Variants in OR5K4 observed in about 807,000 individuals in gnomAD.
OR5K4 encodes olfactory receptor 5K4.
A neutral mutation model predicts 11.8 loss-of-function variants in OR5K4; 16 were observed. The observed-to-expected ratio is 1.36, with a 90% CI of 0.92 to 2.06. The LOEUF is 2.06. Among genes scored for constraint, OR5K4 ranks in the 30% most tolerant of loss-of-function variants. The pLI is 0.00. For missense variants in OR5K4, 442 were observed against 386.9 expected (o/e 1.14, Z -1.19); for synonymous variants, 152 against 135.1 (o/e 1.12, Z -0.87).
In OR5K4 at chr3:98,353,897, T is replaced by C; in HGVS notation, c.44T>C (p.Ile15Thr). Residue 15 changes from isoleucine to threonine, a missense_variant, in exon 1 of 1, where the codon ATA becomes ACA. By Grantham distance (89) the Ile-to-Thr change is moderately conservative. Transcript: ENST00000354924. ...NHSLAAEFIL[I>T]GFTNYPELKT... Reference sequence around the variant, plus strand: ...TCCTTAGCAGCTGAATTCATCCTCATAGGATTTACAAATTATCCAGAGCTG... The same window carrying C: ...TCCTTAGCAGCTGAATTCATCCTCACAGGATTTACAAATTATCCAGAGCTG... 1.2e-6 allele frequency: 2 copies of C among 1,613,772 alleles called. No homozygotes were observed. The highest frequency in any genetic ancestry group is 1.7e-6 in the Non-Finnish European group (2 of 1,179,814).
At position 98,354,171 on chromosome 3, in the gene OR5K4, T is replaced by C; in HGVS notation, c.318T>C (p.Leu106=). 2 of 1,614,210 alleles carry C rather than the reference T, an allele frequency of 1.2e-6. No individual in the cohort carries two copies. Among genetic ancestry groups the C allele is most frequent in the Non-Finnish European group, 1.7e-6 (2 of 1,180,016 alleles). Residue 106 remains leucine, a synonymous_variant, in exon 1 of 1, where the codon CTT becomes CTC. Coordinates refer to ENST00000354924, the MANE Select transcript of OR5K4 (RefSeq NM_001005517.1). ...TGGCACAATTTTATTTTCTCTGTCT[T>C]GCTGAAACCACAGACTGCTTTCTTC... ...ECMAQFYFLC[L]AETTDCFLLA...
Position 98,354,775 on chromosome 3 carries a change from C to A in OR5K4, c.922C>A (p.Leu308Ile). Residue 308 changes from leucine to isoleucine, a missense_variant, in exon 1 of 1, where the codon CTT becomes ATT. By Grantham distance (5) the Leu-to-Ile change is conservative. Transcript: ENST00000354924. ...AAAAATTATGAGGAATTATAACATT[C>A]TTAAACAAACTTGCTCTATAGCAAA... ...LKKIMRNYNI[L>I]KQTCSIANLF... 7.1e-7 allele frequency: 1 copy of A among 1,417,836 alleles called. No individual in the cohort carries two copies. Among genetic ancestry groups the A allele is most frequent in the Non-Finnish European group, 9.7e-7 (1 of 1,034,162 alleles). The allele number at this position is 1,417,836 out of a possible 1,614,324, so 87.8% of individuals were successfully genotyped here.
chr3:98,353,933 T>C lies in OR5K4; in HGVS notation c.80T>C (p.Leu27Pro). 6.2e-7 allele frequency: 1 copy of C among 1,614,154 alleles called. No individual in the cohort carries two copies. Among genetic ancestry groups the C allele is most frequent in the Non-Finnish European group, 8.5e-7 (1 of 1,180,010 alleles). Residue 27 changes from leucine to proline, a missense_variant, in exon 1 of 1, where the codon CTG becomes CCG. Physicochemically the swap from Leu to Pro is moderately conservative, Grantham distance 98. Transcript: ENST00000354924. Reference protein sequence around the residue: ...FTNYPELKTLLFVVFSAIYLV... With the variant: ...FTNYPELKTLPFVVFSAIYLV... ...AATTATCCAGAGCTGAAGACGCTTC[T>C]GTTTGTGGTGTTCTCTGCCATCTAT...
chr3:98,354,249 CCA>C lies in OR5K4; in HGVS notation c.400_401del (p.Thr134HisfsTer38). On this transcript the variant is annotated frameshift_variant, in exon 1 of 1. Transcript: ENST00000354924. LOFTEE classifies it high-confidence loss of function. The part of the protein sequence containing the change: ...YVAICHPLQY[H>X]TMMSKTLCIR... The stretch of plus-strand genomic sequence containing the variant: ...TGGCCATATGCCACCCACTGCAGTA[CCA>C]CACCATGATGTCCAAGACGCTCTGC... 1.2e-6 allele frequency: 2 copies of C among 1,614,212 alleles called. No individual in the cohort carries two copies. The highest frequency in any genetic ancestry group is 1.7e-6 in the Non-Finnish European group (2 of 1,180,040).
In OR5K4 at chr3:98,354,209, C is replaced by G. The variant is rs146616455; in HGVS notation, c.356C>G (p.Ala119Gly). Residue 119 changes from alanine to glycine, a missense_variant, in exon 1 of 1, where the codon GCC (alanine) becomes GGC (glycine). Physicochemically the swap from Ala to Gly is moderately conservative, Grantham distance 60 (BLOSUM62 0). Transcript: ENST00000354924. ...GACTGCTTTCTTCTGGCGACAATGG[C>G]CTATGACCGCTATGTGGCCATATGC... Reference protein sequence around the residue: ...TTDCFLLATMAYDRYVAICHP... With the variant: ...TTDCFLLATMGYDRYVAICHP... The G allele has an allele frequency of 6.6e-5, 106 of 1,614,182 alleles. No individual in the cohort carries two copies. In the African/African-American group the frequency reaches 1.3e-3, roughly 20 times the overall value.
chr3:98,354,159 T>C lies in OR5K4; in HGVS notation c.306T>C (p.Tyr102=), dbSNP rs1370353137. The C allele has an allele frequency of 1.9e-6, 3 of 1,614,242 alleles. No individual in the cohort carries two copies. The Admixed American group carries it at 5.0e-5, about 27-fold the overall frequency. ...TGTATGAATGTATGGCACAATTTTA[T>C]TTTCTCTGTCTTGCTGAAACCACAG... ...ISLYECMAQF[Y]FLCLAETTDC... is the part of the protein sequence containing the mutation. The change falls in exon 1 of 1, where the codon TAT becomes TAC. Residue 102 remains tyrosine (Y), a synonymous_variant. Transcript: ENST00000354924.
rs371406644 is a variant in OR5K4, at chr3:98,354,263, C to T, written c.410C>T (p.Ser137Phe). ...CCACTGCAGTACCACACCATGATGT[C>T]CAAGACGCTCTGCATTCGGATGACC... ...CHPLQYHTMM[S>F]KTLCIRMTTG... The change falls in exon 1 of 1, where the codon TCC becomes TTC. Residue 137 changes from serine (S) to phenylalanine (F), a missense_variant. Ser to Phe is a radical substitution (Grantham distance 155). Transcript: ENST00000354924. The T allele has an allele frequency of 2.0e-5, 32 of 1,614,174 alleles. No homozygotes were observed. Among genetic ancestry groups the T allele is most frequent in the Non-Finnish European group, 2.6e-5 (31 of 1,180,036 alleles).
In OR5K4 at chr3:98,354,585, C is replaced by A; in HGVS notation, c.732C>A (p.His244Gln). ...RGKAFSTCAS[H>Q]FLSVSIFYIC... ...AAGCATTTTCTACCTGTGCATCCCA[C>A]TTTCTCTCTGTCTCAATATTTTACA... The change falls in exon 1 of 1, where the codon CAC becomes CAA. Residue 244 changes from histidine to glutamine, a missense_variant. Transcript: ENST00000354924. The A allele has an allele frequency of 6.2e-7, 1 of 1,613,918 alleles. No homozygotes were observed. The highest frequency in any genetic ancestry group is 8.5e-7 in the Non-Finnish European group (1 of 1,179,894).
rs1329176244 is a variant in OR5K4, at chr3:98,354,167, G to A, written c.314G>A (p.Cys105Tyr). Residue 105 changes from cysteine (C) to tyrosine (Y), a missense_variant, in exon 1 of 1, where the codon TGT (cysteine) becomes TAT (tyrosine). By Grantham distance (194) the Cys-to-Tyr change is radical. Coordinates refer to ENST00000354924, the MANE Select transcript of OR5K4 (RefSeq NM_001005517.1). The stretch of plus-strand genomic sequence containing the variant: ...TGTATGGCACAATTTTATTTTCTCT[G>A]TCTTGCTGAAACCACAGACTGCTTT... ...YECMAQFYFL[C>Y]LAETTDCFLL... The A allele has an allele frequency of 5.6e-6, 9 of 1,614,160 alleles. No individual in the cohort carries two copies. Among genetic ancestry groups the A allele is most frequent in the Non-Finnish European group, 7.6e-6 (9 of 1,180,022 alleles).
chr3:98,353,862 G>A lies in OR5K4; in HGVS notation c.9G>A (p.Arg3=). MA[R]ENHSLAAEFI... The stretch of plus-strand genomic sequence containing the variant: ...CAGAAGAGAAGCCAGGAATGGCTAG[G>A]GAAAATCACTCCTTAGCAGCTGAAT... The change falls in exon 1 of 1, where the codon AGG becomes AGA. Residue 3 remains arginine (R), a synonymous_variant. Coordinates refer to ENST00000354924, the MANE Select transcript of OR5K4 (RefSeq NM_001005517.1). 1.3e-6 allele frequency: 2 copies of A among 1,599,410 alleles called. No homozygotes were observed. The highest frequency in any genetic ancestry group is 1.1e-5 in the South Asian group (1 of 88,680).
In OR5K4 at chr3:98,354,126, T is replaced by G. The variant is rs1707029593; in HGVS notation, c.273T>G (p.Ile91Met). 1 of 1,614,074 alleles carries G rather than the reference T, an allele frequency of 6.2e-7. No homozygotes were observed. The highest frequency in any genetic ancestry group is 8.5e-7 in the Non-Finnish European group (1 of 1,180,032). ...AGAATTTCTTTTCTGAGGATAGAAT[T>G]ATTTCCCTGTATGAATGTATGGCAC... Reference protein sequence around the residue: ...MLENFFSEDRIISLYECMAQF... With the variant: ...MLENFFSEDRMISLYECMAQF... The change falls in exon 1 of 1, where the codon ATT (isoleucine) becomes ATG (methionine). Residue 91 changes from isoleucine (I) to methionine (M), a missense_variant. Transcript: ENST00000354924.
chr3:98,354,416 C>T lies in OR5K4; in HGVS notation c.563C>T (p.Ser188Phe), dbSNP rs1466506117. ...GATATTCTTCCACTGTATAGACTCTCCTGTACAGATCCTTCTATTAATGAA... is the reference window on the plus strand; with the variant it reads ...GATATTCTTCCACTGTATAGACTCTTCTGTACAGATCCTTCTATTAATGAA... ...FCDILPLYRL[S>F]CTDPSINELM... The change falls in exon 1 of 1, where the codon TCC (serine) becomes TTC (phenylalanine). Residue 188 changes from serine to phenylalanine, a missense_variant. Transcript: ENST00000354924. The T allele has an allele frequency of 6.2e-7, 1 of 1,608,326 alleles. No homozygotes were observed. Among genetic ancestry groups the T allele is most frequent in the Admixed American group, 1.7e-5 (1 of 60,010 alleles).
rs756311665 is a variant in OR5K4, at chr3:98,354,201, G to A, written c.348G>A (p.Ala116=). Residue 116 remains alanine, a synonymous_variant, in exon 1 of 1, where the codon GCG becomes GCA. Transcript: ENST00000354924. ...AAACCACAGACTGCTTTCTTCTGGC[G>A]ACAATGGCCTATGACCGCTATGTGG... ...LAETTDCFLL[A]TMAYDRYVAI... The A allele has an allele frequency of 5.0e-6, 8 of 1,614,092 alleles. No homozygotes were observed. In the South Asian group the frequency reaches 6.6e-5, roughly 13 times the overall value.
Position 98,354,127 on chromosome 3 carries a change from A to T in OR5K4, c.274A>T (p.Ile92Phe). Reference sequence around the variant, plus strand: ...GAATTTCTTTTCTGAGGATAGAATTATTTCCCTGTATGAATGTATGGCACA... The same window carrying T: ...GAATTTCTTTTCTGAGGATAGAATTTTTTCCCTGTATGAATGTATGGCACA... ...LENFFSEDRI[I>F]SLYECMAQFY... is the part of the protein sequence containing the mutation. The change falls in exon 1 of 1, where the codon ATT (isoleucine) becomes TTT (phenylalanine). Residue 92 changes from isoleucine to phenylalanine, a missense_variant. Coordinates refer to ENST00000354924, the MANE Select transcript of OR5K4 (RefSeq NM_001005517.1). The T allele has an allele frequency of 6.2e-7, 1 of 1,614,120 alleles. No homozygotes were observed. Among genetic ancestry groups the T allele is most frequent in the Non-Finnish European group, 8.5e-7 (1 of 1,180,004 alleles).
Position 98,354,495 on chromosome 3 carries a change from C to T in OR5K4, c.642C>T (p.Val214=). Residue 214 remains valine (V), a synonymous_variant, in exon 1 of 1, where the codon GTC becomes GTT. Transcript: ENST00000354924. The part of the protein sequence containing the change: ...IPIQIFTIAT[V]LISYLCILLT... ...TTCAAATCTTTACCATTGCTACTGTCTTGATCTCTTATCTCTGCATCCTTT... is the reference window on the plus strand; with the variant it reads ...TTCAAATCTTTACCATTGCTACTGTTTTGATCTCTTATCTCTGCATCCTTT... 1.2e-6 allele frequency: 2 copies of T among 1,612,148 alleles called. No individual in the cohort carries two copies. Among genetic ancestry groups the T allele is most frequent in the Admixed American group, 3.3e-5 (2 of 60,012 alleles).
rs1296442047 is a variant in OR5K4 at position 98,354,651 on chromosome 3, T to C, written c.798T>C (p.Asp266=). Residue 266 remains aspartate (D), a synonymous_variant, in exon 1 of 1, where the codon GAT becomes GAC. Coordinates refer to ENST00000354924, the MANE Select transcript of OR5K4 (RefSeq NM_001005517.1). ...LMYIGPSEEG[D]KDTPVAIFYA... The stretch of plus-strand genomic sequence containing the variant: ...ATATTGGACCATCTGAAGAAGGAGA[T>C]AAAGATACACCAGTGGCAATATTTT... The C allele has an allele frequency of 6.2e-7, 1 of 1,611,520 alleles. No homozygotes were observed. The highest frequency in any genetic ancestry group is 1.3e-5 in the African/African-American group (1 of 74,878).
rs759110351 is a variant in OR5K4 at position 98,354,151 on chromosome 3, C to T, written c.298C>T (p.Gln100Ter). Residue 100 changes from glutamine (Q) to a stop codon, truncating the protein, a stop_gained, in exon 1 of 1, where the codon CAA becomes TAA. Coordinates refer to ENST00000354924, the MANE Select transcript of OR5K4 (RefSeq NM_001005517.1). LOFTEE classifies it high-confidence loss of function. ...RIISLYECMA[Q>*]FYFLCLAETT... Reference sequence around the variant, plus strand: ...TATTTCCCTGTATGAATGTATGGCACAATTTTATTTTCTCTGTCTTGCTGA... The same window carrying T: ...TATTTCCCTGTATGAATGTATGGCATAATTTTATTTTCTCTGTCTTGCTGA... The T allele has an allele frequency of 6.2e-7, 1 of 1,614,074 alleles. No individual in the cohort carries two copies. The highest frequency in any genetic ancestry group is 8.5e-7 in the Non-Finnish European group (1 of 1,180,044).
At position 98,354,516 on chromosome 3, in the gene OR5K4, C is replaced by G. The variant is rs1707037112; in HGVS notation, c.663C>G (p.Ile221Met). The G allele has an allele frequency of 6.2e-7, 1 of 1,613,274 alleles. No homozygotes were observed. The change falls in exon 1 of 1, where the codon ATC becomes ATG. Residue 221 changes from isoleucine (I) to methionine (M), a missense_variant. By Grantham distance (10) the Ile-to-Met change is conservative. Coordinates refer to ENST00000354924, the MANE Select transcript of OR5K4 (RefSeq NM_001005517.1). ...CTGTCTTGATCTCTTATCTCTGCAT[C>G]CTTTTGACTGTTTTCAAAATGAAAT... ...IATVLISYLC[I>M]LLTVFKMKSK...
rs541735302 is a variant in OR5K4 at position 98,354,102 on chromosome 3, G to T, written c.249G>T (p.Glu83Asp). 8 of 1,614,164 alleles carry T rather than the reference G, an allele frequency of 5.0e-6. No homozygotes were observed. Among genetic ancestry groups the T allele is most frequent in the Non-Finnish European group, 6.8e-6 (8 of 1,180,020 alleles). The change falls in exon 1 of 1, where the codon GAG becomes GAT. Residue 83 changes from glutamate (E) to aspartate (D), a missense_variant. By Grantham distance (45) the Glu-to-Asp change is conservative. Transcript: ENST00000354924. ...GTGCTGTTACCCCCAAGATGTTAGAGAATTTCTTTTCTGAGGATAGAATTA... is the reference window on the plus strand; with the variant it reads ...GTGCTGTTACCCCCAAGATGTTAGATAATTTCTTTTCTGAGGATAGAATTA... ...CSCAVTPKML[E>D]NFFSEDRIIS... is the part of the protein sequence containing the mutation.
Sources: gnomAD v4.1 joint callset for allele counts on GRCh38, gnomAD v4.1.1 for gene constraint, MANE v1.5 for transcripts, NCBI Gene and HGNC (gene_info 2026-07-23, HGNC 2026-07-21) for gene names.